TESC: variants seen among roughly 807,000 people sequenced by gnomAD.
TESC encodes the protein calcineurin B homologous protein 3.
A neutral mutation model predicts 31.0 loss-of-function variants in TESC; 19 were observed. That is an observed-to-expected ratio of 0.61 (90% CI 0.43 to 0.90). The LOEUF (loss-of-function observed/expected upper bound fraction) is 0.90. Ranked by LOEUF, TESC falls within the 40% of genes least tolerant of loss-of-function variation. TESC has a pLI of 0.00. For missense variants in TESC, 248 were observed against 303.8 expected (o/e 0.82, Z 1.36); for synonymous variants, 109 against 114.8 (o/e 0.95, Z 0.32).
At chr12:117,098,977 C>T (rs1436303559) in intron 1 of TESC, among the ~76,000 whole-genome samples, 1 of 152,044 alleles carries the variant, frequency 6.6e-6, no homozygotes, top group African/African-American at 2.4e-5. Context: ...GTCCGCAGTC[C>T]CCCGGCCAGG....
intron 2 of TESC, among the ~76,000 whole-genome samples, chr12:117,069,052 C>T (rs1234249779): frequency 1.3e-5 from 2 of 151,482 alleles, no homozygotes; most frequent in African/African-American, 2.4e-5. Flanking sequence ...AAGAGCCCCC[C>T]GAATGGTAGG....
In TESC at chr12:117,079,434, C is replaced by T. The variant is rs537459903; in HGVS notation, c.59-4094G>A. Among the ~76,000 whole-genome samples the T allele has an allele frequency of 1.5e-3, 233 of 152,138 alleles. 2 individuals are homozygous for T. The highest frequency in any genetic ancestry group is 2.8e-3 in the Non-Finnish European group (187 of 67,996). On this transcript the variant is annotated intron_variant, in intron 1 of 7. Transcript: ENST00000335209. ...AAAACTAGCCGAGAGTGGTGGCAGG[C>T]ACCTGTAATCCCAGCTACTTGGGAG...
At chr12:117,045,307 G>A (rs1344450684) in intron 6 of TESC, among the ~76,000 whole-genome samples, 4 of 152,220 alleles carry the variant, frequency 2.6e-5, no homozygotes, top group South Asian at 2.1e-4. Context: ...CCCAGGCTGC[G>A]GGGGTTTTAT....
At chr12:117,067,343 T>C (rs1954901594) in intron 2 of TESC, among the ~76,000 whole-genome samples, 1 of 152,130 alleles carries the variant, frequency 6.6e-6, no homozygotes. Flanking sequence ...GGCAGGAGTA[T>C]TGCTTGAGCC....
At chr12:117,080,719 A>G (rs944135695) in intron 1 of TESC, among the ~76,000 whole-genome samples, 1 of 152,064 alleles carries the variant, frequency 6.6e-6, no homozygotes, top group East Asian at 1.9e-4. Context: ...CTAACCCAAC[A>G]TGTCTGGTGA....
At chr12:117,045,697 T>A (rs767326785) in intron 6 of TESC, among the ~76,000 whole-genome samples, 3 of 152,182 alleles carry the variant, frequency 2.0e-5, no homozygotes, top group Non-Finnish European at 2.9e-5. Flanking sequence ...GGATCCAGCA[T>A]GAACGCCCCT....
Position 117,039,130 on chromosome 12 carries a change from G to C in TESC, c.*3C>G. 1.9e-6 allele frequency: 3 copies of C among 1,613,912 alleles called. No individual in the cohort carries two copies. The highest frequency in any genetic ancestry group is 8.5e-7 in the Non-Finnish European group (1 of 1,179,910). ...GCAGTTTCTCCGCGGAGGTGGCGGTGGGTCAGTGGCAGAGGGCCATGGTTT... is the reference window on the plus strand; with the variant it reads ...GCAGTTTCTCCGCGGAGGTGGCGGTCGGTCAGTGGCAGAGGGCCATGGTTT... On this transcript the variant is annotated 3_prime_UTR_variant, in exon 8 of 8. Coordinates refer to ENST00000335209, the MANE Select transcript of TESC (RefSeq NM_017899.4).
intron 1 of TESC, among the ~76,000 whole-genome samples, chr12:117,081,374 T>A (rs1955145302): frequency 6.6e-6 from 1 of 152,162 alleles, no homozygotes; most frequent in African/African-American, 2.4e-5. Context: ...CATTAATTTC[T>A]TTACTTGTCT....
At chr12:117,079,320 G>T (rs1164260810) in intron 1 of TESC, among the ~76,000 whole-genome samples, 3 of 152,088 alleles carry the variant, frequency 2.0e-5, no homozygotes, top group Non-Finnish European at 4.4e-5. Context: ...CCAGCACTTT[G>T]GGGGGCTGAG....
At chr12:117,098,889 G>A (rs1427973602) in intron 1 of TESC, among the ~76,000 whole-genome samples, 1 of 152,122 alleles carries the variant, frequency 6.6e-6, no homozygotes, top group East Asian at 1.9e-4. Flanking sequence ...GCGCCAGCGG[G>A]GGTGCCTGAG....
intron 1 of TESC, among the ~76,000 whole-genome samples, chr12:117,098,867 T>C (rs1955432061): frequency 6.6e-6 from 1 of 151,868 alleles, no homozygotes. Context: ...GACTCTCAGG[T>C]GTGGGGCGCG....
chr12:117,083,358 C>T (rs112637189), intron 1 of TESC, among the ~76,000 whole-genome samples: 7 of 152,174 alleles, frequency 4.6e-5, no homozygotes, highest in Non-Finnish European at 1.0e-4. Flanking sequence ...GAATTACAGG[C>T]GTGAGCCACT....
chr12:117,039,017 C>T lies in TESC; in HGVS notation c.*116G>A. The stretch of plus-strand genomic sequence containing the variant: ...CAAGACACAAGGTGCGCAGACGAGC[C>T]TTGGCTATGTACCGGCGCTGCAGGA... On this transcript the variant is annotated 3_prime_UTR_variant, in exon 8 of 8. Coordinates refer to ENST00000335209, the MANE Select transcript of TESC (RefSeq NM_017899.4). 8.6e-7 allele frequency: 1 copy of T among 1,160,874 alleles called. No individual in the cohort carries two copies. Among genetic ancestry groups the T allele is most frequent in the Non-Finnish European group, 1.3e-6 (1 of 797,398 alleles). 71.9% of individuals were successfully genotyped at this position (1,160,874 alleles called of 1,614,324 possible). A position where few individuals can be genotyped will look rare whatever the true frequency, so the allele number is the denominator to read the frequency against.
intron 2 of TESC, among the ~76,000 whole-genome samples, chr12:117,063,744 A>T (rs1326719002): frequency 6.6e-6 from 1 of 152,000 alleles, no homozygotes; most frequent in Non-Finnish European, 1.5e-5. Context: ...TGCCCCTCTG[A>T]TTCCCCTTCC....
At chr12:117,046,865 T>C in intron 4 of TESC, 27 bp from the exon 5 acceptor site, 3 of 1,553,800 alleles carry the variant, frequency 1.9e-6, no homozygotes, top group Non-Finnish European at 2.6e-6. Flanking sequence ...GAGAGGGGAC[T>C]CCGTCAGGCG....
At chr12:117,075,911 ATATG>A (rs1417966221) in intron 1 of TESC, among the ~76,000 whole-genome samples, 16 of 59,048 alleles carry the variant, frequency 2.7e-4, no homozygotes, top group African/African-American at 1.3e-3. Flanking sequence ...ATATATATAT[ATATG>A]TGTGTGTGTA....
At chr12:117,075,917 GTGTGTGTATA>G (rs1565971679) in intron 1 of TESC, among the ~76,000 whole-genome samples, 4 of 76,926 alleles carry the variant, frequency 5.2e-5, no homozygotes, top group African/African-American at 2.9e-4. Flanking sequence ...ATATATATGT[GTGTGTGTATA>G]TATATATATA....
intron 2 of TESC, 49 bp downstream of exon 2, chr12:117,075,222 T>C (rs771014665): frequency 1.9e-6 from 3 of 1,575,438 alleles, no homozygotes; most frequent in Admixed American, 1.8e-5. Flanking sequence ...GACAAGAAAT[T>C]TGCAAGGGCA....
At chr12:117,075,913 A>ATATATATGTGTGTG (rs1265957613) in intron 1 of TESC, among the ~76,000 whole-genome samples, 39 of 51,944 alleles carry the variant, frequency 7.5e-4, no homozygotes, top group Non-Finnish European at 1.0e-3. Context: ...ATATATATAT[A>ATATATATGTGTGTG]TGTGTGTGTG....
Sources: allele counts gnomAD v4.1 joint callset (sites outside exome capture counted in the v4.1 genomes callset), GRCh38; gene constraint gnomAD v4.1.1; transcripts MANE v1.5; gene names NCBI Gene and HGNC (gene_info 2026-07-23, HGNC 2026-07-21).